The following MTRF1 variants were observed in gnomAD, a reference collection of about 807,000 sequenced individuals.
MTRF1 encodes mitochondrial translation release factor 1.
MTRF1 carries 51 observed loss-of-function variants against 62.9 expected under a neutral mutation model. The observed-to-expected ratio is 0.81, with a 90% CI of 0.65 to 1.02. MTRF1 has a LOEUF of 1.02. Ranked by LOEUF, MTRF1 falls within the 50% of genes least tolerant of loss-of-function variation. The pLI is 0.00. For missense variants in MTRF1, 446 were observed against 530.0 expected (o/e 0.84, Z 1.56); for synonymous variants, 158 against 181.9 (o/e 0.87, Z 1.06).
chr13:41,282,870 A>G, the MTRF1 span, among the ~76,000 whole-genome samples: 35 of 152,302 alleles, frequency 2.3e-4, no homozygotes, highest in African/African-American at 7.7e-4. Flanking sequence ...ATTGGATTCC[A>G]TTGCCCTCCT....
chr13:41,220,324 GAA>G (rs1249229258), intron 9 of MTRF1, among the ~76,000 whole-genome samples: 25 of 32,696 alleles, frequency 7.6e-4, no homozygotes, highest in South Asian at 2.9e-3. Context: ...ATCTGTCTCG[GAA>G]AAAAAAAAAA....
chr13:41,300,906 G>C, the MTRF1 span, among the ~76,000 whole-genome samples: 177 of 152,136 alleles, frequency 1.2e-3, 1 homozygote, highest in Non-Finnish European at 1.9e-3. Context: ...CTGGGTGCAG[G>C]GGGCATGACT....
At chr13:41,271,324 C>T in the MTRF1 span, among the ~76,000 whole-genome samples, 3 of 152,188 alleles carry the variant, frequency 2.0e-5, no homozygotes, top group Non-Finnish European at 4.4e-5. Context: ...CATACTACTT[C>T]CATTTTACAT....
chr13:41,307,121 A>G, the MTRF1 span, among the ~76,000 whole-genome samples: 1 of 152,128 alleles, frequency 6.6e-6, no homozygotes, highest in African/African-American at 2.4e-5. Flanking sequence ...GTTCTTTTCT[A>G]TTCCCTCCCT....
At chr13:41,228,587 AAAAC>A (rs1406421552) in intron 7 of MTRF1, among the ~76,000 whole-genome samples, 4 of 152,208 alleles carry the variant, frequency 2.6e-5, no homozygotes, top group Admixed American at 6.5e-5. Flanking sequence ...GAAAGAAAGA[AAAAC>A]AAAGAATTAC....
the MTRF1 span, chr13:41,311,690 C>T: frequency 5.9e-6 from 6 of 1,016,148 alleles, no homozygotes; most frequent in Admixed American, 9.9e-5. Context: ...CCTCCGCTGC[C>T]CACCGCTCTT....
chr13:41,217,293 T>C (rs896371372), intron 9 of MTRF1, 65 bp from the exon 10 acceptor site: 8 of 920,604 alleles, frequency 8.7e-6, no homozygotes, highest in African/African-American at 1.7e-5. Context: ...CTTTAGTGTT[T>C]ATTTATTTAA....
the MTRF1 span, among the ~76,000 whole-genome samples, chr13:41,292,573 T>G: frequency 7.6e-6 from 1 of 130,986 alleles, no homozygotes; most frequent in South Asian, 2.4e-4. Context: ...AGAGGGAGAT[T>G]CTGTCTCAAA....
At chr13:41,311,613 C>T in the MTRF1 span, 13 of 1,591,618 alleles carry the variant, frequency 8.2e-6, no homozygotes, top group African/African-American at 1.3e-5. Flanking sequence ...CTGCCGCCCC[C>T]CGGTCCCCGG....
rs1479249108 is a variant in MTRF1, at chr13:41,240,416, C to T, written c.715G>A (p.Ala239Thr). 6.2e-7 allele frequency: 1 copy of T among 1,613,490 alleles called. No individual in the cohort carries two copies. Among genetic ancestry groups the T allele is most frequent in the Non-Finnish European group, 8.5e-7 (1 of 1,179,726 alleles). The change falls in exon 6 of 10, where the codon GCC becomes ACC. Residue 239 changes from alanine (A) to threonine (T), a missense_variant. By Grantham distance (58) the Ala-to-Thr change is moderately conservative. Transcript: ENST00000379480. Reference protein sequence around the residue: ...PADYGGLHHAAARISGDGVYK... With the variant: ...PADYGGLHHATARISGDGVYK... ...ACACCGTCACCGGAAATTCGGGCGG[C>T]TGCATGATGTAGTCCACCTAGGGGA...
intron 6 of MTRF1, chr13:41,236,570 T>A (rs1178143478): frequency 6.6e-6 from 1 of 152,218 alleles, no homozygotes; most frequent in Non-Finnish European, 1.5e-5. Context: ...TAGCTGATTG[T>A]TCTTTTGTAT....
intron 9 of MTRF1, among the ~76,000 whole-genome samples, chr13:41,220,334 A>AAAC (rs2033046970): frequency 2.0e-5 from 3 of 151,246 alleles, no homozygotes; most frequent in Admixed American, 6.6e-5. Flanking sequence ...GAAAAAAAAA[A>AAAC]AAAAAAAAAA....
the MTRF1 span, chr13:41,311,304 A>G: frequency 3.7e-6 from 2 of 544,066 alleles, no homozygotes; most frequent in Non-Finnish European, 6.4e-6. Context: ...CGCTGGCCAA[A>G]AAGCGGAGCC....
intron 6 of MTRF1, chr13:41,235,915 T>C (rs1449279352): frequency 6.5e-6 from 1 of 152,740 alleles, no homozygotes; most frequent in African/African-American, 2.4e-5. Flanking sequence ...TTTTTGTTTT[T>C]TTTTTTGAGA....
At chr13:41,256,368 C>A (rs887607355) in intron 2 of MTRF1, among the ~76,000 whole-genome samples, 3 of 151,610 alleles carry the variant, frequency 2.0e-5, no homozygotes, top group African/African-American at 7.3e-5. Context: ...GCTCTGTTGC[C>A]CAGGCTGGAG....
chr13:41,224,550 C>CA, intron 8 of MTRF1, among the ~76,000 whole-genome samples: 1 of 152,284 alleles, frequency 6.6e-6, no homozygotes, highest in Non-Finnish European at 1.5e-5. Context: ...CATCCCAGAT[C>CA]ATCTCTTCTG....
chr13:41,253,154 G>A (rs913665557), intron 3 of MTRF1, 124 bp from the exon 4 acceptor site: 4 of 660,802 alleles, frequency 6.1e-6, no homozygotes, highest in South Asian at 2.2e-5. Context: ...TCCCAAACAG[G>A]GTATTCCAAA....
intron 3 of MTRF1, among the ~76,000 whole-genome samples, chr13:41,253,298 C>A (rs536461206): frequency 2.6e-4 from 40 of 152,294 alleles, no homozygotes; most frequent in Non-Finnish European, 4.6e-4. Context: ...AAGTTCAGAT[C>A]AAAGTCCAGG....
the MTRF1 span, among the ~76,000 whole-genome samples, chr13:41,309,041 G>C: frequency 6.6e-6 from 1 of 152,152 alleles, no homozygotes; most frequent in Non-Finnish European, 1.5e-5. Context: ...CTGTGTTGCT[G>C]CAAAGGACAT....
Sources: allele counts gnomAD v4.1 joint callset (sites outside exome capture counted in the v4.1 genomes callset), GRCh38; gene constraint gnomAD v4.1.1; transcripts MANE v1.5; gene names NCBI Gene and HGNC (gene_info 2026-07-23, HGNC 2026-07-21).